The following CTNND2 variants were observed in gnomAD, a reference collection of about 807,000 sequenced individuals.
The protein encoded by CTNND2 is catenin delta-2.
A neutral mutation model predicts 144.4 loss-of-function variants in CTNND2; 22 were observed. The ratio of observed to expected loss-of-function variants is 0.15; its 90% CI spans 0.11 to 0.22. The LOEUF is 0.22. Among genes scored for constraint, CTNND2 ranks in the 10% least tolerant of loss-of-function variants. The pLI, the probability that CTNND2 is intolerant of heterozygous loss-of-function variation, is 1.00. For synonymous variants in CTNND2, 751 were observed against 695.6 expected (o/e 1.08, Z -1.25); for missense variants, 1,353 against 1,618.8 (o/e 0.84, Z 2.82).
chr5:11,487,583 GCA>G (rs1252214391), intron 3 of CTNND2, among the ~76,000 whole-genome samples: 2 of 152,096 alleles, frequency 1.3e-5, no homozygotes, highest in Non-Finnish European at 2.9e-5. Flanking sequence ...TCGTCAGAGT[GCA>G]CAGTTACATT....
chr5:11,532,202 A>T (rs1289284350), intron 3 of CTNND2, among the ~76,000 whole-genome samples: 1 of 151,684 alleles, frequency 6.6e-6, no homozygotes, highest in African/African-American at 2.4e-5. Context: ...CTTGGTTGTG[A>T]CTACACCACA....
chr5:11,257,292 C>A (rs1409479658), intron 9 of CTNND2, among the ~76,000 whole-genome samples: 1 of 152,140 alleles, frequency 6.6e-6, no homozygotes, highest in Non-Finnish European at 1.5e-5. Context: ...AATGATTAGC[C>A]ATTGGCACAT....
chr5:11,330,557 A>G (rs1156400496), intron 9 of CTNND2, among the ~76,000 whole-genome samples: 3 of 150,548 alleles, frequency 2.0e-5, no homozygotes, highest in East Asian at 3.9e-4. Flanking sequence ...GTGGTGGCTC[A>G]TGCCTGTAAC....
chr5:11,053,929 G>C (rs1043184127), intron 16 of CTNND2, among the ~76,000 whole-genome samples: 3 of 152,228 alleles, frequency 2.0e-5, no homozygotes, highest in Non-Finnish European at 4.4e-5. Flanking sequence ...TTGTTGAAAG[G>C]AGTAAGTTGC....
At chr5:11,883,162 T>C (rs1408569385) in intron 1 of CTNND2, among the ~76,000 whole-genome samples, 1 of 152,200 alleles carries the variant, frequency 6.6e-6, no homozygotes, top group African/African-American at 2.4e-5. Flanking sequence ...TCATTTTGTA[T>C]CTTGAAACTT....
At chr5:11,296,065 A>C (rs1334245345) in intron 9 of CTNND2, among the ~76,000 whole-genome samples, 1 of 76,396 alleles carries the variant, frequency 1.3e-5, no homozygotes. Context: ...AATGGGAGAA[A>C]ATTTTTGCAA....
At chr5:11,063,535 C>A (rs1223708957) in intron 16 of CTNND2, among the ~76,000 whole-genome samples, 1 of 151,810 alleles carries the variant, frequency 6.6e-6, no homozygotes, top group Non-Finnish European at 1.5e-5. Context: ...CACTTTAAAG[C>A]ATAAAATACA....
intron 12 of CTNND2, among the ~76,000 whole-genome samples, chr5:11,136,476 A>G (rs953242987): frequency 1.1e-4 from 16 of 151,820 alleles, no homozygotes; most frequent in African/African-American, 3.2e-4. Flanking sequence ...AATGGGGAAA[A>G]AGAACAATGG....
At chr5:11,734,622 AT>A (rs142127390) in intron 1 of CTNND2, among the ~76,000 whole-genome samples, 9,612 of 152,226 alleles carry the variant, frequency 0.063, 982 homozygotes, top group African/African-American at 0.22. Flanking sequence ...AAGCTATTAC[AT>A]TACACATCCC....
intron 6 of CTNND2, among the ~76,000 whole-genome samples, chr5:11,388,582 C>A (rs2149804928): frequency 6.6e-6 from 1 of 152,322 alleles, no homozygotes; most frequent in East Asian, 1.9e-4. Context: ...AAGAACTATT[C>A]TTTGGTTAAA....
At chr5:11,531,295 T>C (rs763551238) in intron 3 of CTNND2, among the ~76,000 whole-genome samples, 10 of 151,738 alleles carry the variant, frequency 6.6e-5, no homozygotes, top group South Asian at 6.3e-4. Context: ...GAGTCAGGGA[T>C]GGGAGGGAAA....
intron 3 of CTNND2, among the ~76,000 whole-genome samples, chr5:11,473,900 T>C (rs1031621817): frequency 6.6e-6 from 1 of 152,204 alleles, no homozygotes; most frequent in Non-Finnish European, 1.5e-5. Context: ...TAAACAAATG[T>C]GATGAATTTG....
intron 1 of CTNND2, among the ~76,000 whole-genome samples, chr5:11,824,556 A>C (rs2126948540): frequency 6.6e-6 from 1 of 152,308 alleles, no homozygotes; most frequent in East Asian, 1.9e-4. Flanking sequence ...GGAAATCTCT[A>C]GGGCTCTAAA....
chr5:11,682,616 T>C (rs1458297733), intron 2 of CTNND2, among the ~76,000 whole-genome samples: 2 of 152,190 alleles, frequency 1.3e-5, no homozygotes, highest in Non-Finnish European at 2.9e-5. Context: ...TGGAGCTACA[T>C]AAATCATAAT....
intron 11 of CTNND2, among the ~76,000 whole-genome samples, chr5:11,181,594 G>A (rs1259578028): frequency 4.6e-5 from 7 of 152,154 alleles, no homozygotes; most frequent in African/African-American, 1.4e-4. Context: ...AACTGCGTCT[G>A]GTAGAGCAGG....
intron 2 of CTNND2, 147 bp from the exon 3 acceptor site, chr5:11,565,203 G>T: frequency 1.5e-6 from 1 of 648,628 alleles, no homozygotes. Flanking sequence ...GGATTCGAAG[G>T]TTAGACAGGC....
chr5:11,475,069 G>A (rs1394428199), intron 3 of CTNND2, among the ~76,000 whole-genome samples: 1 of 152,196 alleles, frequency 6.6e-6, no homozygotes, highest in East Asian at 1.9e-4. Flanking sequence ...TTTAGCTAGA[G>A]GTTATAAGTC....
At chr5:11,430,772 G>A (rs1763224712) in intron 3 of CTNND2, among the ~76,000 whole-genome samples, 1 of 152,184 alleles carries the variant, frequency 6.6e-6, no homozygotes, top group Admixed American at 6.5e-5. Flanking sequence ...TTTTGTGTCA[G>A]GGAATAGAGA....
Position 10,988,384 on chromosome 5 carries a change from T to A in CTNND2, c.3212-142A>T. 9.4e-7 allele frequency: 1 copy of A among 1,065,352 alleles called. No homozygotes were observed. Among genetic ancestry groups the A allele is most frequent in the African/African-American group, 1.6e-5 (1 of 62,284 alleles). The allele number at this position is 1,065,352 out of a possible 1,614,324, so 66.0% of individuals were successfully genotyped here. On this transcript the variant is annotated intron_variant, in intron 19 of 21. Coordinates refer to ENST00000304623, the MANE Select transcript of CTNND2 (RefSeq NM_001332.4). This position sits in a 1 kb window ranked among gnomAD's most constrained non-coding sequence, Gnocchi z 5.9. ...CCTGATGGGTTTTCTTTTTAATTTT[T>A]ATTTTTTGGCAGTTTTGGCTCTTGT...
Sources: gnomAD v4.1 joint callset for allele counts (sites outside exome capture counted in the v4.1 genomes callset) on GRCh38, gnomAD v4.1.1 for gene constraint, Gnocchi (gnomAD v3.1) non-coding constraint, MANE v1.5 for transcripts, NCBI Gene and HGNC (gene_info 2026-07-23, HGNC 2026-07-21) for gene names.